Variants in DSG1 observed in about 807,000 individuals in gnomAD.
DSG1 encodes the protein desmoglein-1.
Under a neutral mutation model 97.5 loss-of-function variants are expected in DSG1, and 39 were observed. That is an observed-to-expected ratio of 0.40 (90% CI 0.31 to 0.52). The LOEUF (loss-of-function observed/expected upper bound fraction) is 0.52. Among genes scored for constraint, DSG1 ranks in the 20% least tolerant of loss-of-function variants. The probability of loss-of-function intolerance (pLI) is 0.53; values close to 1 mark genes in which losing one functional copy is unlikely to be tolerated. For missense variants in DSG1, 1,311 were observed against 1,295.4 expected (o/e 1.01, Z -0.18); for synonymous variants, 475 against 443.4 (o/e 1.07, Z -0.90).
chr18:31,342,088 C>T (rs550967153), intron 11 of DSG1, among the ~76,000 whole-genome samples: 2 of 152,166 alleles, frequency 1.3e-5, no homozygotes, highest in African/African-American at 4.8e-5. Context: ...TGTGCACCAC[C>T]ACACCCGGCT....
At chr18:31,328,464 C>A in intron 4 of DSG1, 120 bp downstream of exon 4, 1 of 1,014,842 alleles carries the variant, frequency 9.9e-7, no homozygotes, top group Admixed American at 2.0e-5. Context: ...TTGGTTGTTT[C>A]TTAATTCACG....
At position 31,326,975 on chromosome 18, in the gene DSG1, A is replaced by C; in HGVS notation, c.186A>C (p.Glu62Asp). Residue 62 changes from glutamate to aspartate, a missense_variant, in exon 3 of 15, where the codon GAA becomes GAC. Around this residue, in one of 3 missense-constraint regions of DSG1, gnomAD observed 259 missense variants for 304.1 expected, o/e 0.85. Transcript: ENST00000257192. Reference protein sequence around the residue: ...IKFAAACREGEDNSKRNPIAK... With the variant: ...IKFAAACREGDDNSKRNPIAK... ...TCGCAGCAGCCTGTCGTGAAGGTGA[A>C]GACAACTCAAAGAGGAACCCAATCG... 1 of 1,614,000 alleles carries C rather than the reference A, an allele frequency of 6.2e-7. No homozygotes were observed. Among genetic ancestry groups the C allele is most frequent in the African/African-American group, 1.3e-5 (1 of 75,038 alleles).
chr18:31,323,636 C>G (rs2144083749), intron 1 of DSG1, among the ~76,000 whole-genome samples: 1 of 152,160 alleles, frequency 6.6e-6, no homozygotes, highest in South Asian at 2.1e-4. Context: ...AGGTTACCCT[C>G]TCTCAAAAAA....
At chr18:31,325,605 CT>C (rs536341212) in intron 1 of DSG1, among the ~76,000 whole-genome samples, 34 of 149,774 alleles carry the variant, frequency 2.3e-4, no homozygotes, top group African/African-American at 5.9e-4. Context: ...ATTTACTTTT[CT>C]TTTTTTTTTC....
At chr18:31,327,141 A>G (rs2071690766) in intron 3 of DSG1, 136 bp downstream of exon 3, 1 of 1,156,714 alleles carries the variant, frequency 8.6e-7, no homozygotes, top group Non-Finnish European at 1.3e-6. Flanking sequence ...CACCTAGATG[A>G]TGAAAACTGA....
At chr18:31,346,241 T>C (rs1402603379) in intron 14 of DSG1, 43 bp downstream of exon 14, 2 of 1,506,434 alleles carry the variant, frequency 1.3e-6, no homozygotes, top group African/African-American at 2.7e-5. Context: ...TCCATGTGCC[T>C]GCTGCTCTTC....
rs2144127051 is a variant in DSG1, at chr18:31,354,584, C to T, written c.2388C>T (p.His796=). The change falls in exon 15 of 15, where the codon CAC becomes CAT. Residue 796 remains histidine (H), a synonymous_variant. Coordinates refer to ENST00000257192, the MANE Select transcript of DSG1 (RefSeq NM_001942.4). ...PQETEPVVSG[H]PPISPHFGTT... ...AAACAGAGCCCGTTGTTAGTGGACA[C>T]CCACCAATCTCCCCACATTTCGGCA... The T allele has an allele frequency of 6.2e-6, 10 of 1,614,174 alleles. No homozygotes were observed. The Middle Eastern group carries it at 4.9e-4, about 80-fold the overall frequency.
intron 11 of DSG1, among the ~76,000 whole-genome samples, chr18:31,341,600 C>T (rs1188665486): frequency 6.6e-6 from 1 of 151,956 alleles, no homozygotes; most frequent in Non-Finnish European, 1.5e-5. Flanking sequence ...TTCTTACTGG[C>T]TCATAATTAA....
At chr18:31,345,784 A>G (rs2071828041) in intron 13 of DSG1, among the ~76,000 whole-genome samples, 1 of 152,182 alleles carries the variant, frequency 6.6e-6, no homozygotes, top group African/African-American at 2.4e-5. Context: ...TAATCTCTCA[A>G]CAGATAATTA....
rs776001527 is a variant in DSG1 at position 31,331,805 on chromosome 18, A to G, written c.622A>G (p.Met208Val). Residue 208 changes from methionine (M) to valine (V), a missense_variant, in exon 6 of 15, where the codon ATG becomes GTG. Transcript: ENST00000257192. ...IIRQEPSDSP[M>V]FIINRNTGEI... ...AAGACAAGAACCTTCAGATTCACCA[A>G]TGTTTATTATCAACAGAAATACTGG... The G allele has an allele frequency of 1.3e-5, 21 of 1,612,678 alleles. No individual in the cohort carries two copies. The highest frequency in any genetic ancestry group is 1.6e-4 in the Middle Eastern group (1 of 6,068).
In DSG1 at chr18:31,338,337, G is replaced by T. The variant is rs1242140746; in HGVS notation, c.1288G>T (p.Ala430Ser). The change falls in exon 10 of 15, where the codon GCT (alanine) becomes TCT (serine). Residue 430 changes from alanine to serine, a missense_variant. By Grantham distance (99) the Ala-to-Ser change is moderately conservative. Around this residue, in one of 3 missense-constraint regions of DSG1, gnomAD observed 1,038 missense variants for 964.6 expected, o/e 1.08. Transcript: ENST00000257192. ...TVRYVMGNNP[A>S]DLLAVDSRTG... is the part of the protein sequence containing the mutation. ...CAGGTATGTAATGGGAAATAATCCAGCTGACCTGCTAGCTGTTGATTCAAG... is the reference window on the plus strand; with the variant it reads ...CAGGTATGTAATGGGAAATAATCCATCTGACCTGCTAGCTGTTGATTCAAG... 1.9e-6 allele frequency: 3 copies of T among 1,613,734 alleles called. No homozygotes were observed. In the Admixed American group the frequency reaches 5.0e-5, roughly 27 times the overall value.
chr18:31,345,658 T>C (rs1193224929), intron 13 of DSG1, among the ~76,000 whole-genome samples: 1 of 152,188 alleles, frequency 6.6e-6, no homozygotes, highest in East Asian at 1.9e-4. Context: ...ACTGTTTTTT[T>C]AACTTTCAGA....
intron 14 of DSG1, among the ~76,000 whole-genome samples, chr18:31,350,542 G>A (rs1361559849): frequency 8.0e-5 from 12 of 150,430 alleles, no homozygotes; most frequent in Non-Finnish European, 1.5e-4. Flanking sequence ...CAGAAGGAAT[G>A]GTACCAGTTC....
At chr18:31,344,053 CT>C (rs1260407559) in intron 13 of DSG1, 58 bp downstream of exon 13, 1 of 1,232,898 alleles carries the variant, frequency 8.1e-7, no homozygotes, top group East Asian at 2.3e-5. Flanking sequence ...TCTATTTTCT[CT>C]CTTTGATTAT....
chr18:31,352,113 G>T (rs2071902399), intron 14 of DSG1, among the ~76,000 whole-genome samples: 2 of 152,026 alleles, frequency 1.3e-5, no homozygotes, highest in Admixed American at 6.6e-5. Flanking sequence ...GGTACCGGTT[G>T]TTCCTTTCCA....
intron 11 of DSG1, among the ~76,000 whole-genome samples, chr18:31,341,579 A>G (rs556504480): frequency 1.3e-5 from 2 of 152,346 alleles, no homozygotes; most frequent in African/African-American, 4.8e-5. Flanking sequence ...ACATTAACAA[A>G]TAAGAGTTTA....
rs2071942587 is a variant in DSG1, at chr18:31,355,026, G to C, written c.2830G>C (p.Ala944Pro). ...TAGTCTGAGTATGCACCCCGAGTTA[G>C]CCAATGCCCACAATGTCATTGTGAC... ...IGSLSMHPEL[A>P]NAHNVIVTER... is the part of the protein sequence containing the mutation. Residue 944 changes from alanine (A) to proline (P), a missense_variant, in exon 15 of 15, where the codon GCC (alanine) becomes CCC (proline). Around this residue, in one of 3 missense-constraint regions of DSG1, gnomAD observed 1,038 missense variants for 964.6 expected, o/e 1.08. Transcript: ENST00000257192. 1 of 1,614,098 alleles carries C rather than the reference G, an allele frequency of 6.2e-7. No individual in the cohort carries two copies. The highest frequency in any genetic ancestry group is 1.1e-5 in the South Asian group (1 of 91,090).
At chr18:31,324,216 T>A (rs1207792029) in intron 1 of DSG1, among the ~76,000 whole-genome samples, 1 of 151,866 alleles carries the variant, frequency 6.6e-6, no homozygotes, top group Admixed American at 6.5e-5. Context: ...TCTCCTGACC[T>A]CGTGATCCAC....
At chr18:31,343,617 A>T in intron 12 of DSG1, 34 bp downstream of exon 12, 6 of 1,614,116 alleles carry the variant, frequency 3.7e-6, no homozygotes, top group Non-Finnish European at 5.1e-6. Flanking sequence ...AGCCGTTGGT[A>T]GTCACTGAAA....
Sources: allele counts gnomAD v4.1 joint callset (sites outside exome capture counted in the v4.1 genomes callset), GRCh38; gene constraint gnomAD v4.1.1; regional missense constraint gnomAD v4.1.1; transcripts MANE v1.5; gene names NCBI Gene and HGNC (gene_info 2026-07-23, HGNC 2026-07-21).